The following ZC3H12B variants were observed in gnomAD, a reference collection of about 807,000 sequenced individuals.
ZC3H12B encodes the protein zinc finger CCCH-type containing 12B.
ZC3H12B carries 7 observed loss-of-function variants against 43.9 expected under a neutral mutation model. The ratio of observed to expected loss-of-function variants is 0.16; its 90% CI spans 0.09 to 0.30. ZC3H12B has a LOEUF of 0.30. ZC3H12B is among the 10% of genes least tolerant of loss of function. The pLI is 1.00. For missense variants in ZC3H12B, 475 were observed against 670.2 expected (o/e 0.71, Z 3.22); for synonymous variants, 222 against 241.7 (o/e 0.92, Z 0.76).
the ZC3H12B span, among the ~76,000 whole-genome samples, chrX:65,344,031 C>T: frequency 9.0e-6 from 1 of 111,655 alleles, no homozygotes; most frequent in Non-Finnish European, 1.9e-5. Flanking sequence ...TTTTATACAC[C>T]AATGACGGTC....
intron 3 of ZC3H12B, among the ~76,000 whole-genome samples, chrX:65,405,542 C>T (rs757906909): frequency 9.0e-6 from 1 of 111,271 alleles, no homozygotes; most frequent in East Asian, 2.8e-4. Flanking sequence ...ATCACTCAAA[C>T]CCAGGAGGCG....
chrX:65,395,611 A>G lies in ZC3H12B; in HGVS notation n.296-2982A>G, dbSNP rs1424359466. On this transcript the variant is annotated intron_variant and non_coding_transcript_variant, in intron 2 of 5. Coordinates refer to the ZC3H12B transcript ENST00000617377. Reference sequence around the variant, plus strand: ...CCAGAATTTTATTGAGAATTTTCACATCAATGTTCATCAGGGATATTGGCC... The same window carrying G: ...CCAGAATTTTATTGAGAATTTTCACGTCAATGTTCATCAGGGATATTGGCC... Among the ~76,000 whole-genome samples, 3 of 111,992 alleles carry G rather than the reference A, an allele frequency of 2.7e-5. No individual in the cohort carries two copies. The East Asian group carries it at 8.4e-4, about 31-fold the overall frequency.
chrX:65,392,207 C>T (rs766271622), intron 2 of ZC3H12B, among the ~76,000 whole-genome samples: 5 of 111,025 alleles, frequency 4.5e-5, no homozygotes, highest in African/African-American at 1.6e-4. Flanking sequence ...AAGTGAGGAG[C>T]GTCTCTGCCT....
chrX:65,450,220 A>G (rs4336752), intron 3 of ZC3H12B, among the ~76,000 whole-genome samples: 22,388 of 100,812 alleles, frequency 0.22, 6,824 homozygotes, highest in African/African-American at 0.79. Flanking sequence ...CAGGAGAATT[A>G]CTTGAACCGG....
At chrX:65,049,518 C>T in the ZC3H12B span, among the ~76,000 whole-genome samples, 3 of 110,964 alleles carry the variant, frequency 2.7e-5, no homozygotes, top group South Asian at 3.7e-4. Flanking sequence ...CTATTCTTTT[C>T]GAAATTGGTA....
At chrX:65,333,221 G>T in the ZC3H12B span, among the ~76,000 whole-genome samples, 1 of 111,498 alleles carries the variant, frequency 9.0e-6, no homozygotes, top group Non-Finnish European at 1.9e-5. Context: ...GCTTTTATTG[G>T]CTCTATAAGT....
the ZC3H12B span, among the ~76,000 whole-genome samples, chrX:65,227,573 A>C: frequency 5.4e-5 from 6 of 111,901 alleles, no homozygotes; most frequent in Non-Finnish European, 7.5e-5. Flanking sequence ...AAAACCCTTC[A>C]AAAAATTAAT....
the ZC3H12B span, among the ~76,000 whole-genome samples, chrX:65,317,318 C>G: frequency 9.1e-6 from 1 of 109,290 alleles, no homozygotes; most frequent in Non-Finnish European, 1.9e-5. Flanking sequence ...AAATTTAAAT[C>G]AATACTAAGA....
the ZC3H12B span, among the ~76,000 whole-genome samples, chrX:65,149,145 A>C: frequency 9.0e-6 from 1 of 111,253 alleles, no homozygotes; most frequent in African/African-American, 3.3e-5. Context: ...AGGGTATCTA[A>C]AATCTCAGAA....
At chrX:65,234,163 A>G in the ZC3H12B span, among the ~76,000 whole-genome samples, 1 of 112,062 alleles carries the variant, frequency 8.9e-6, no homozygotes, top group Non-Finnish European at 1.9e-5. Flanking sequence ...ATCCATCATC[A>G]TGTAGTGGAA....
At chrX:65,159,055 TC>T in the ZC3H12B span, among the ~76,000 whole-genome samples, 6 of 112,024 alleles carry the variant, frequency 5.4e-5, no homozygotes, top group African/African-American at 1.6e-4. Context: ...CTTGTTTTTC[TC>T]AGGTTTGTCA....
chrX:65,434,803 C>T (rs1289847128), intron 3 of ZC3H12B, among the ~76,000 whole-genome samples: 1 of 111,209 alleles, frequency 9.0e-6, no homozygotes, highest in Non-Finnish European at 1.9e-5. Flanking sequence ...TGATAACTGC[C>T]TCCCTGGAGG....
chrX:65,073,847 A>C, the ZC3H12B span, among the ~76,000 whole-genome samples: 1 of 111,575 alleles, frequency 9.0e-6, no homozygotes, highest in African/African-American at 3.3e-5. Context: ...GTCCTGGTGC[A>C]CTGTAGCCCT....
At chrX:65,423,233 G>A (rs745655165) in intron 3 of ZC3H12B, among the ~76,000 whole-genome samples, 1 of 111,679 alleles carries the variant, frequency 9.0e-6, no homozygotes, top group South Asian at 3.8e-4. Flanking sequence ...GCCTGGCCAT[G>A]CCACATTTTC....
At chrX:65,212,621 AAT>A in the ZC3H12B span, among the ~76,000 whole-genome samples, 3 of 83,983 alleles carry the variant, frequency 3.6e-5, no homozygotes, top group East Asian at 7.6e-4. Context: ...TATGATATAT[AAT>A]ATATATAAAT....
the ZC3H12B span, among the ~76,000 whole-genome samples, chrX:65,165,957 G>T: frequency 8.9e-6 from 1 of 112,090 alleles, no homozygotes; most frequent in Non-Finnish European, 1.9e-5. Context: ...ACCAGCATCT[G>T]CTATTTCCTG....
chrX:65,297,667 A>C, the ZC3H12B span, among the ~76,000 whole-genome samples: 52 of 111,226 alleles, frequency 4.7e-4, no homozygotes, highest in Admixed American at 3.8e-3. Context: ...ACATGGAACC[A>C]AAAAAGACCC....
At chrX:65,113,422 G>A in the ZC3H12B span, among the ~76,000 whole-genome samples, 1 of 111,076 alleles carries the variant, frequency 9.0e-6, no homozygotes, top group African/African-American at 3.3e-5. Flanking sequence ...TATCAGGCAA[G>A]GTGTGTGGGC....
the ZC3H12B span, among the ~76,000 whole-genome samples, chrX:65,187,822 T>A: frequency 2.7e-5 from 3 of 110,878 alleles, no homozygotes; most frequent in African/African-American, 9.8e-5. Context: ...CATCTAATTA[T>A]ATTTTTAGTT....
Sources: allele counts gnomAD v4.1 joint callset (sites outside exome capture counted in the v4.1 genomes callset), GRCh38; gene constraint gnomAD v4.1.1; transcripts MANE v1.5; gene names NCBI Gene and HGNC (gene_info 2026-07-23, HGNC 2026-07-21).